ZNF804A: variants seen among roughly 807,000 people sequenced by gnomAD.
ZNF804A encodes zinc finger protein 804A.
Under a neutral mutation model 16.5 loss-of-function variants are expected in ZNF804A, and 2 were observed. That is an observed-to-expected ratio of 0.12 (90% CI 0.05 to 0.38). The LOEUF is 0.38. ZNF804A is among the 10% of genes least tolerant of loss of function. The probability of loss-of-function intolerance (pLI) is 0.99; values close to 1 mark genes in which losing one functional copy is unlikely to be tolerated. For missense variants in ZNF804A, 1,473 were observed against 1,390.7 expected (o/e 1.06, Z -0.94); for synonymous variants, 534 against 489.6 (o/e 1.09, Z -1.20).
chr2:184,757,558 T>C (rs1693977410), intron 1 of ZNF804A, among the ~76,000 whole-genome samples: 1 of 152,008 alleles, frequency 6.6e-6, no homozygotes, highest in Admixed American at 6.6e-5. Flanking sequence ...GATGCTTTTC[T>C]CTTTCAGTCT....
chr2:184,778,417 A>C (rs1256070460), intron 1 of ZNF804A, among the ~76,000 whole-genome samples: 1 of 151,562 alleles, frequency 6.6e-6, no homozygotes, highest in African/African-American at 2.4e-5. Context: ...GAGAGAGTCC[A>C]TTAACAAACC....
intron 2 of ZNF804A, among the ~76,000 whole-genome samples, chr2:184,922,978 G>A (rs887115095): frequency 6.6e-6 from 1 of 151,954 alleles, no homozygotes; most frequent in Non-Finnish European, 1.5e-5. Flanking sequence ...TATAATTTAA[G>A]CCAAGTAATG....
At chr2:184,769,641 G>T (rs1694182537) in intron 1 of ZNF804A, among the ~76,000 whole-genome samples, 1 of 152,022 alleles carries the variant, frequency 6.6e-6, no homozygotes, top group Non-Finnish European at 1.5e-5. Context: ...AGAGACATTA[G>T]CATCCCAATC....
At chr2:184,807,521 A>C (rs939276893) in intron 1 of ZNF804A, among the ~76,000 whole-genome samples, 1 of 151,842 alleles carries the variant, frequency 6.6e-6, no homozygotes, top group African/African-American at 2.4e-5. Context: ...TGTTGAACTT[A>C]GATTCTTTTT....
chr2:184,804,736 T>C (rs1038395514), intron 1 of ZNF804A, among the ~76,000 whole-genome samples: 6 of 152,190 alleles, frequency 3.9e-5, no homozygotes, highest in Non-Finnish European at 7.3e-5. Flanking sequence ...TAGTTTAATG[T>C]ATCCAGGAAA....
chr2:184,663,266 T>G (rs1194738735), intron 1 of ZNF804A, among the ~76,000 whole-genome samples: 1 of 152,208 alleles, frequency 6.6e-6, no homozygotes, highest in African/African-American at 2.4e-5. Context: ...GGCCTTTCCC[T>G]GCTCACTGCA....
At chr2:184,916,854 A>AAAAAC (rs1336236082) in intron 2 of ZNF804A, among the ~76,000 whole-genome samples, 9 of 152,116 alleles carry the variant, frequency 5.9e-5, no homozygotes, top group Admixed American at 1.3e-4. Flanking sequence ...TCTCAAACAA[A>AAAAAC]AAAACAAAAC....
chr2:184,610,636 A>G (rs755360405), intron 1 of ZNF804A, among the ~76,000 whole-genome samples: 7 of 152,158 alleles, frequency 4.6e-5, no homozygotes, highest in Non-Finnish European at 7.4e-5. Context: ...GAAATACTGT[A>G]AAATTACATT....
chr2:184,786,594 C>T (rs1473847790), intron 1 of ZNF804A, among the ~76,000 whole-genome samples: 1 of 151,910 alleles, frequency 6.6e-6, no homozygotes, highest in East Asian at 1.9e-4. Context: ...TAATGGAAGT[C>T]CCAGGTCATC....
chr2:184,698,637 A>G (rs1241905310), intron 1 of ZNF804A, among the ~76,000 whole-genome samples: 1 of 152,024 alleles, frequency 6.6e-6, no homozygotes, highest in African/African-American at 2.4e-5. Context: ...TTACCACACA[A>G]TAGAAATTGC....
chr2:184,906,711 T>C (rs1685280823), intron 2 of ZNF804A, among the ~76,000 whole-genome samples: 1 of 152,154 alleles, frequency 6.6e-6, no homozygotes. Flanking sequence ...AATCAGACAT[T>C]AATTTATTTT....
chr2:184,797,281 G>A (rs1694646662), intron 1 of ZNF804A, among the ~76,000 whole-genome samples: 1 of 152,082 alleles, frequency 6.6e-6, no homozygotes, highest in South Asian at 2.1e-4. Flanking sequence ...AGGTCTATTG[G>A]TAATTGTTTT....
chr2:184,687,561 T>C (rs958413876), intron 1 of ZNF804A, among the ~76,000 whole-genome samples: 1 of 152,188 alleles, frequency 6.6e-6, no homozygotes, highest in African/African-American at 2.4e-5. Flanking sequence ...CACTACCATG[T>C]TTAAAATTGA....
intron 1 of ZNF804A, among the ~76,000 whole-genome samples, chr2:184,840,741 C>A (rs1256755918): frequency 1.3e-5 from 2 of 152,182 alleles, no homozygotes; most frequent in East Asian, 3.9e-4. Context: ...ATTTATTTCT[C>A]TCAGTCATCT....
intron 1 of ZNF804A, among the ~76,000 whole-genome samples, chr2:184,642,086 A>T (rs1223846431): frequency 1.3e-5 from 2 of 152,096 alleles, no homozygotes. Context: ...TCTCATTCAC[A>T]TGGCTAATTA....
chr2:184,757,337 C>T (rs1416515517), intron 1 of ZNF804A, among the ~76,000 whole-genome samples: 2 of 151,960 alleles, frequency 1.3e-5, no homozygotes, highest in Non-Finnish European at 2.9e-5. Flanking sequence ...ACACACTCTA[C>T]AATGTCTAAA....
chr2:184,915,334 G>A (rs1685427531), intron 2 of ZNF804A, among the ~76,000 whole-genome samples: 2 of 151,892 alleles, frequency 1.3e-5, no homozygotes, highest in South Asian at 4.1e-4. Context: ...AAAATTATTG[G>A]TAATAGCTGC....
At chr2:184,618,638 C>G (rs554454853) in intron 1 of ZNF804A, among the ~76,000 whole-genome samples, 16 of 151,968 alleles carry the variant, frequency 1.1e-4, no homozygotes, top group Non-Finnish European at 2.2e-4. Context: ...ACGACTGTAT[C>G]AATTCATGTT....
At position 184,599,957 on chromosome 2, in the gene ZNF804A, A is replaced by C. The variant is rs572851046; in HGVS notation, c.111+887A>C. Among the ~76,000 whole-genome samples, 26 of 152,318 alleles carry C rather than the reference A, an allele frequency of 1.7e-4. No individual in the cohort carries two copies. In the South Asian group the frequency reaches 3.7e-3, roughly 22 times the overall value. ...GAGAACTATACACCTCCATAAAGTA[A>C]AAAAGGAAGTAGAATAAAGGCTCAT... On this transcript the variant is annotated intron_variant, in intron 1 of 3. Transcript: ENST00000302277.
Sources: gnomAD v4.1 joint callset for allele counts (sites outside exome capture counted in the v4.1 genomes callset) on GRCh38, gnomAD v4.1.1 for gene constraint, MANE v1.5 for transcripts, NCBI Gene and HGNC (gene_info 2026-07-23, HGNC 2026-07-21) for gene names.